The following ST18 variants were observed in gnomAD, a reference collection of about 807,000 sequenced individuals.
ST18 encodes the protein suppression of tumorigenicity 18 protein.
In ST18, 50 loss-of-function variants were observed where a neutral mutation model predicts 110.0. The ratio of observed to expected loss-of-function variants is 0.45; its 90% CI spans 0.36 to 0.58. The LOEUF (loss-of-function observed/expected upper bound fraction) is 0.58. ST18 is among the 20% of genes least tolerant of loss of function. The probability of loss-of-function intolerance (pLI) is 0.00; values close to 1 mark genes in which losing one functional copy is unlikely to be tolerated. For missense variants in ST18, 1,306 were observed against 1,280.1 expected (o/e 1.02, Z -0.31); for synonymous variants, 461 against 452.4 (o/e 1.02, Z -0.24).
In ST18 at chr8:52,276,830, G is replaced by A. The variant is rs555827348; in HGVS notation, c.-464-46753C>T. Among the ~76,000 whole-genome samples, 7 of 150,354 alleles carry A rather than the reference G, an allele frequency of 4.7e-5. No homozygotes were observed. In the East Asian group the frequency reaches 1.2e-3, roughly 25 times the overall value. On this transcript the variant is annotated intron_variant, in intron 2 of 25. Coordinates refer to ENST00000689386, the MANE Select transcript of ST18 (RefSeq NM_001352837.2). ...CGTCCAGGCTGGAGTGCAGTGGTGC[G>A]ATCTCGGCTCACTGCAACCTCTGCC...
intron 17 of ST18, among the ~76,000 whole-genome samples, chr8:52,139,590 A>G (rs2054057739): frequency 6.6e-6 from 1 of 152,144 alleles, no homozygotes; most frequent in South Asian, 2.1e-4. Context: ...TCCTGACCTC[A>G]GGTGATCTGC....
intron 9 of ST18, among the ~76,000 whole-genome samples, chr8:52,176,656 G>A (rs562305489): frequency 9.2e-5 from 14 of 152,260 alleles, no homozygotes; most frequent in Admixed American, 2.0e-4. Flanking sequence ...ATTTATTTAC[G>A]TTAAACCAAG....
intron 2 of ST18, among the ~76,000 whole-genome samples, chr8:52,394,925 A>G (rs947647270): frequency 2.0e-5 from 3 of 152,210 alleles, no homozygotes; most frequent in Non-Finnish European, 2.9e-5. Flanking sequence ...AAGGGGAAAG[A>G]AACTACAGAA....
intron 2 of ST18, among the ~76,000 whole-genome samples, chr8:52,269,238 A>ATTCTGATGAAT (rs1168799152): frequency 1.3e-5 from 2 of 152,190 alleles, no homozygotes; most frequent in Non-Finnish European, 2.9e-5. Flanking sequence ...CCAGGAAACC[A>ATTCTGATGAAT]TTCTGATGAA....
intron 8 of ST18, among the ~76,000 whole-genome samples, chr8:52,197,620 T>A (rs1446627786): frequency 6.6e-6 from 1 of 151,870 alleles, no homozygotes; most frequent in African/African-American, 2.4e-5. Flanking sequence ...TTCTCTAGCA[T>A]GAACACTTAG....
intron 2 of ST18, among the ~76,000 whole-genome samples, chr8:52,262,854 C>T (rs775572389): frequency 3.3e-5 from 5 of 152,184 alleles, no homozygotes; most frequent in Non-Finnish European, 7.3e-5. Context: ...CTCATTCTAG[C>T]CTGGGAAAAA....
At chr8:52,113,458 G>T in intron 25 of ST18, 120 bp from the exon 26 acceptor site, 1 of 1,114,488 alleles carries the variant, frequency 9.0e-7, no homozygotes, top group South Asian at 1.4e-5. Context: ...GGGTGCATAT[G>T]ACTGCTGGGG....
chr8:52,372,748 A>T (rs1277549956), intron 2 of ST18, among the ~76,000 whole-genome samples: 1 of 152,192 alleles, frequency 6.6e-6, no homozygotes, highest in Admixed American at 6.5e-5. Flanking sequence ...AGGCTGTACC[A>T]TCTGGGTCTG....
intron 22 of ST18, among the ~76,000 whole-genome samples, chr8:52,128,271 A>G (rs1165560755): frequency 6.6e-6 from 1 of 152,148 alleles, no homozygotes; most frequent in African/African-American, 2.4e-5. Flanking sequence ...GCCCAGCTGC[A>G]ATTTTAAATT....
intron 2 of ST18, among the ~76,000 whole-genome samples, chr8:52,368,977 CATA>C (rs2140564391): frequency 6.6e-6 from 1 of 152,190 alleles, no homozygotes; most frequent in South Asian, 2.1e-4. Flanking sequence ...ATCACCTAAC[CATA>C]CCTAACAGCA....
intron 2 of ST18, among the ~76,000 whole-genome samples, chr8:52,328,980 C>A (rs1461913850): frequency 2.0e-5 from 3 of 152,100 alleles, no homozygotes; most frequent in Non-Finnish European, 4.4e-5. Context: ...CTTTCCCCAG[C>A]CATATTTCCT....
chr8:52,147,307 A>G (rs1408293237), intron 16 of ST18, among the ~76,000 whole-genome samples: 3 of 152,234 alleles, frequency 2.0e-5, no homozygotes, highest in Non-Finnish European at 4.4e-5. Flanking sequence ...AACAAGATTA[A>G]AAAGTAACAT....
intron 2 of ST18, among the ~76,000 whole-genome samples, chr8:52,250,234 G>A (rs752663565): frequency 1.4e-4 from 21 of 151,620 alleles, no homozygotes; most frequent in Admixed American, 2.6e-4. Flanking sequence ...TGGAGATTTC[G>A]CACACTAATT....
At chr8:52,245,900 T>C (rs1198396297) in intron 2 of ST18, among the ~76,000 whole-genome samples, 4 of 152,142 alleles carry the variant, frequency 2.6e-5, no homozygotes, top group Non-Finnish European at 5.9e-5. Flanking sequence ...TTGCAGGTCA[T>C]TGCAATTTAC....
chr8:52,184,017 T>C (rs1342805274), intron 8 of ST18, among the ~76,000 whole-genome samples: 1 of 152,180 alleles, frequency 6.6e-6, no homozygotes, highest in Admixed American at 6.5e-5. Context: ...TAGTTTTCCC[T>C]GAGGGCACAC....
intron 2 of ST18, chr8:52,406,379 T>C (rs972265021): frequency 7.9e-5 from 12 of 152,590 alleles, no homozygotes; most frequent in African/African-American, 2.9e-4. Flanking sequence ...CACAGAATGA[T>C]TCTCACAGGT....
chr8:52,373,967 C>T (rs560750891), intron 2 of ST18, among the ~76,000 whole-genome samples: 115 of 152,178 alleles, frequency 7.6e-4, no homozygotes, highest in Middle Eastern at 3.4e-3. Flanking sequence ...CACTCCAGGG[C>T]GAACAGTTTT....
chr8:52,323,718 A>G (rs1805018182), intron 2 of ST18, among the ~76,000 whole-genome samples: 1 of 152,206 alleles, frequency 6.6e-6, no homozygotes, highest in Non-Finnish European at 1.5e-5. Context: ...TCCATAGCTC[A>G]GAGACTCTGG....
At chr8:52,182,269 C>A (rs539343858) in intron 8 of ST18, among the ~76,000 whole-genome samples, 1 of 150,128 alleles carries the variant, frequency 6.7e-6, no homozygotes, top group East Asian at 1.9e-4. Context: ...TACATAAATA[C>A]CCAGAAGTGG....
Sources: allele counts gnomAD v4.1 joint callset (sites outside exome capture counted in the v4.1 genomes callset), GRCh38; gene constraint gnomAD v4.1.1; transcripts MANE v1.5; gene names NCBI Gene and HGNC (gene_info 2026-07-23, HGNC 2026-07-21).